KLF12: variants seen among roughly 807,000 people sequenced by gnomAD.
KLF12 encodes the protein Krueppel-like factor 12.
A neutral mutation model predicts 37.8 loss-of-function variants in KLF12; 9 were observed. That is an observed-to-expected ratio of 0.24 (90% CI 0.14 to 0.42). The LOEUF (loss-of-function observed/expected upper bound fraction) is 0.42. Ranked by LOEUF, KLF12 falls within the 10% of genes least tolerant of loss-of-function variation. The pLI is 1.00. For missense variants in KLF12, 411 were observed against 516.0 expected (o/e 0.80, Z 1.97); for synonymous variants, 208 against 202.1 (o/e 1.03, Z -0.25).
rs184236523 is a variant in KLF12 at position 73,856,005 on chromosome 13, T to C, written c.124-9632A>G. Reference sequence around the variant, plus strand: ...GTGACACTATCTAAGGCTGTTGTAATGGGCCCTTTTTGGACTACAACTGCC... The same window carrying C: ...GTGACACTATCTAAGGCTGTTGTAACGGGCCCTTTTTGGACTACAACTGCC... On this transcript the variant is annotated intron_variant, in intron 3 of 7. Transcript: ENST00000377669. Among the ~76,000 whole-genome samples, 4 of 152,348 alleles carry C rather than the reference T, an allele frequency of 2.6e-5. No individual in the cohort carries two copies. The East Asian group carries it at 7.7e-4, about 29-fold the overall frequency.
At chr13:73,953,146 T>G (rs907372085) in intron 2 of KLF12, among the ~76,000 whole-genome samples, 5 of 152,138 alleles carry the variant, frequency 3.3e-5, no homozygotes, top group African/African-American at 1.2e-4. Context: ...CCTACTACAT[T>G]CTGGGATACA....
intron 3 of KLF12, among the ~76,000 whole-genome samples, chr13:73,865,723 T>C (rs567346088): frequency 6.6e-6 from 1 of 152,206 alleles, no homozygotes; most frequent in Non-Finnish European, 1.5e-5. Flanking sequence ...ACATGTACTT[T>C]AAAATAACAA....
intron 5 of KLF12, among the ~76,000 whole-genome samples, chr13:73,773,900 C>T (rs866912224): frequency 3.3e-5 from 5 of 152,094 alleles, no homozygotes; most frequent in Non-Finnish European, 7.4e-5. Flanking sequence ...TTACTCCTAC[C>T]CCTTCCTCAG....
intron 1 of KLF12, among the ~76,000 whole-genome samples, chr13:74,076,532 T>C (rs1874572997): frequency 6.6e-6 from 1 of 152,188 alleles, no homozygotes; most frequent in Admixed American, 6.5e-5. Context: ...GTGAAGCCTC[T>C]TTTATAAGGG....
intron 6 of KLF12, among the ~76,000 whole-genome samples, chr13:73,723,932 A>G (rs1324689883): frequency 1.3e-5 from 2 of 152,110 alleles, no homozygotes; most frequent in Non-Finnish European, 2.9e-5. Context: ...GGAACACTAC[A>G]CTGTTGGTGG....
the KLF12 span, among the ~76,000 whole-genome samples, chr13:74,166,629 A>G: frequency 6.6e-6 from 1 of 152,024 alleles, no homozygotes; most frequent in Non-Finnish European, 1.5e-5. Flanking sequence ...ATTTTCCCCT[A>G]TCTACATGTA....
At chr13:74,172,286 G>A in the KLF12 span, among the ~76,000 whole-genome samples, 13 of 152,042 alleles carry the variant, frequency 8.6e-5, no homozygotes, top group Non-Finnish European at 1.5e-4. Context: ...TTTTCCATGT[G>A]TGATATGGAA....
At chr13:74,179,854 G>C in the KLF12 span, among the ~76,000 whole-genome samples, 1 of 152,198 alleles carries the variant, frequency 6.6e-6, no homozygotes, top group African/African-American at 2.4e-5. Context: ...TTTCCAAAGA[G>C]TCCCCCAATC....
In KLF12 at chr13:73,964,316, A is replaced by T. The variant is rs1225631098; in HGVS notation, c.34-20246T>A. Reference sequence around the variant, plus strand: ...AGGTCCATGCAACAGTGAGCATCTTACTGGCTCCTACCCACAATTCATTGA... The same window carrying T: ...AGGTCCATGCAACAGTGAGCATCTTTCTGGCTCCTACCCACAATTCATTGA... On this transcript the variant is annotated intron_variant, in intron 2 of 7. Coordinates refer to ENST00000377669, the MANE Select transcript of KLF12 (RefSeq NM_007249.5). 3.3e-5 allele frequency among the ~76,000 whole-genome samples: 5 copies of T among 152,208 alleles called. No individual in the cohort carries two copies. In the South Asian group the frequency reaches 8.3e-4, roughly 25 times the overall value.
At chr13:73,860,301 G>T (rs1437709678) in intron 3 of KLF12, among the ~76,000 whole-genome samples, 1 of 152,148 alleles carries the variant, frequency 6.6e-6, no homozygotes, top group Non-Finnish European at 1.5e-5. Context: ...GCGGCCATGG[G>T]CCCACCAAAG....
the KLF12 span, among the ~76,000 whole-genome samples, chr13:74,281,719 T>TA: frequency 6.6e-6 from 1 of 152,200 alleles, no homozygotes; most frequent in Non-Finnish European, 1.5e-5. Context: ...TGTGCTTGGT[T>TA]ACAAGACATT....
intron 3 of KLF12, among the ~76,000 whole-genome samples, chr13:73,942,830 C>T (rs1185269061): frequency 6.6e-6 from 1 of 152,182 alleles, no homozygotes; most frequent in Admixed American, 6.5e-5. Context: ...TCCTCTACCA[C>T]GATGAGGCTC....
chr13:74,124,228 A>G (rs1877807837), intron 1 of KLF12, among the ~76,000 whole-genome samples: 1 of 152,182 alleles, frequency 6.6e-6, no homozygotes, highest in African/African-American at 2.4e-5. Flanking sequence ...AGTTACTTGT[A>G]TTCATATCTA....
chr13:74,292,207 T>C, the KLF12 span, among the ~76,000 whole-genome samples: 1 of 152,210 alleles, frequency 6.6e-6, no homozygotes, highest in African/African-American at 2.4e-5. Context: ...CTCTCTCTAG[T>C]AACAGCATGG....
intron 3 of KLF12, among the ~76,000 whole-genome samples, chr13:73,896,431 C>T (rs1054787099): frequency 3.3e-5 from 5 of 152,076 alleles, no homozygotes; most frequent in African/African-American, 9.7e-5. Context: ...AAGCAATACG[C>T]ATTCTGAGGA....
chr13:74,101,383 T>C (rs1417733644), intron 1 of KLF12, among the ~76,000 whole-genome samples: 1 of 152,176 alleles, frequency 6.6e-6, no homozygotes, highest in Non-Finnish European at 1.5e-5. Context: ...TGTCATCTTA[T>C]TCCAGCAGAC....
chr13:74,060,429 A>G (rs1345527492), intron 1 of KLF12, among the ~76,000 whole-genome samples: 1 of 151,180 alleles, frequency 6.6e-6, no homozygotes, highest in African/African-American at 2.4e-5. Flanking sequence ...TGTTTTGTAG[A>G]ACTTCTTCTT....
At chr13:74,035,589 G>A (rs1893226060) in intron 1 of KLF12, among the ~76,000 whole-genome samples, 1 of 152,106 alleles carries the variant, frequency 6.6e-6, no homozygotes, top group South Asian at 2.1e-4. Context: ...ACAAAAAGCT[G>A]GTACTACCCA....
chr13:74,302,457 G>A, the KLF12 span, among the ~76,000 whole-genome samples: 2 of 152,004 alleles, frequency 1.3e-5, no homozygotes, highest in East Asian at 3.9e-4. Flanking sequence ...ATCAGTGTAG[G>A]TTCTCTGGTT....
Sources: allele counts gnomAD v4.1 joint callset (sites outside exome capture counted in the v4.1 genomes callset), GRCh38; gene constraint gnomAD v4.1.1; transcripts MANE v1.5; gene names NCBI Gene and HGNC (gene_info 2026-07-23, HGNC 2026-07-21).